Variants in STARD13 observed in about 807,000 individuals in gnomAD.
STARD13 encodes stAR-related lipid transfer protein 13.
A neutral mutation model predicts 106.4 loss-of-function variants in STARD13; 62 were observed. The observed-to-expected ratio is 0.58, with a 90% CI of 0.48 to 0.72. The LOEUF is 0.72. Ranked by LOEUF, STARD13 falls within the 30% of genes least tolerant of loss-of-function variation. The pLI is 0.00. For missense variants in STARD13, 1,387 were observed against 1,424.0 expected, an observed-to-expected ratio of 0.97 and a Z score of 0.42; for synonymous variants, 565 against 553.0, an observed-to-expected ratio of 1.02 and a Z score of -0.31.
intron 1 of STARD13, among the ~76,000 whole-genome samples, chr13:33,335,868 G>C (rs1193977026): frequency 6.6e-6 from 1 of 152,254 alleles, no homozygotes; most frequent in Admixed American, 6.5e-5. Context: ...TACCTGCTGA[G>C]AAGCCTGGGC....
intron 1 of STARD13, among the ~76,000 whole-genome samples, chr13:33,184,608 A>T (rs546822450): frequency 1.3e-5 from 2 of 152,350 alleles, no homozygotes; most frequent in South Asian, 4.1e-4. Context: ...CAGTTTCCTC[A>T]CTGCAAAATG....
rs1367161274 is a variant in STARD13 at position 33,127,473 on chromosome 13, G to A, written c.1822C>T (p.Gln608Ter). ...AGCAGGCTCAGCTGGCTGGCCGTCT[G>A]GCTGCTGATGTGGGGCGATGCTGGG... ...PAPASPHISS[Q>*]TASQLSLLQR... Residue 608 changes from glutamine (Q) to a stop codon, truncating the protein, a stop_gained, in exon 6 of 14, where the codon CAG (glutamine) becomes TAG (stop). Transcript: ENST00000336934. LOFTEE classifies it high-confidence loss of function. 2 of 1,598,070 alleles carry A rather than the reference G, an allele frequency of 1.3e-6. No homozygotes were observed. The highest frequency in any genetic ancestry group is 2.2e-5 in the South Asian group (2 of 89,820).
the STARD13 span, among the ~76,000 whole-genome samples, chr13:33,645,751 G>T: frequency 6.6e-6 from 1 of 152,118 alleles, no homozygotes; most frequent in Admixed American, 6.5e-5. Context: ...AGAGTGGGGT[G>T]GCAGAGCTTG....
downstream of STARD13, among the ~76,000 whole-genome samples, chr13:33,347,116 G>A (rs966132367): frequency 2.0e-5 from 3 of 152,204 alleles, no homozygotes; most frequent in South Asian, 6.2e-4. Flanking sequence ...CAGAACAGAT[G>A]CCCTCTTGGG....
At chr13:33,446,096 G>T in the STARD13 span, among the ~76,000 whole-genome samples, 34 of 152,096 alleles carry the variant, frequency 2.2e-4, no homozygotes, top group Non-Finnish European at 4.7e-4. Flanking sequence ...GAGTCATTTT[G>T]ACAAGACAGT....
chr13:33,370,619 CTTTT>C, the STARD13 span, among the ~76,000 whole-genome samples: 5 of 131,608 alleles, frequency 3.8e-5, no homozygotes, highest in Admixed American at 7.6e-5. Context: ...TTCTTTCTTT[CTTTT>C]TTTTTTTTTT....
At chr13:33,111,528 T>TG (rs1874564618) in intron 10 of STARD13, among the ~76,000 whole-genome samples, 1 of 152,244 alleles carries the variant, frequency 6.6e-6, no homozygotes, top group South Asian at 2.1e-4. Flanking sequence ...GCCTTGAACC[T>TG]GATAATGGCA....
chr13:33,544,442 A>T, the STARD13 span, among the ~76,000 whole-genome samples: 2 of 152,242 alleles, frequency 1.3e-5, no homozygotes, highest in Admixed American at 1.3e-4. Flanking sequence ...TGCACACTGT[A>T]ACTTTTGTGC....
At chr13:33,217,499 G>C (rs1888111301) in intron 1 of STARD13, among the ~76,000 whole-genome samples, 1 of 152,226 alleles carries the variant, frequency 6.6e-6, no homozygotes, top group African/African-American at 2.4e-5. Context: ...CAGAGTGGCT[G>C]CTGTGATGTC....
At chr13:33,312,556 A>G (rs1027502496) in intron 1 of STARD13, among the ~76,000 whole-genome samples, 8 of 152,234 alleles carry the variant, frequency 5.3e-5, no homozygotes, top group African/African-American at 1.7e-4. Flanking sequence ...AGATGGTATC[A>G]TTAAAACAAG....
chr13:33,211,920 A>C (rs558707858), intron 1 of STARD13, among the ~76,000 whole-genome samples: 2 of 152,318 alleles, frequency 1.3e-5, no homozygotes, highest in East Asian at 3.9e-4. Flanking sequence ...TTGTACATAT[A>C]TACCCATGTT....
the STARD13 span, among the ~76,000 whole-genome samples, chr13:33,655,980 C>A: frequency 6.6e-6 from 1 of 152,288 alleles, no homozygotes; most frequent in African/African-American, 2.4e-5. Context: ...AACAATGCCA[C>A]CACTCTGGTC....
intron 1 of STARD13, among the ~76,000 whole-genome samples, chr13:33,191,130 C>T (rs9536654): frequency 0.033 from 4,962 of 152,260 alleles, 100 homozygotes; most frequent in Middle Eastern, 0.048. Flanking sequence ...AAACTATATA[C>T]GCGGTTTTCA....
chr13:33,347,591 G>C (rs1039479590), downstream of STARD13, among the ~76,000 whole-genome samples: 2 of 152,102 alleles, frequency 1.3e-5, no homozygotes, highest in Admixed American at 6.5e-5. Context: ...ACAAATACTT[G>C]CCATTGTGTT....
At chr13:33,621,022 G>C in the STARD13 span, among the ~76,000 whole-genome samples, 1 of 151,680 alleles carries the variant, frequency 6.6e-6, no homozygotes, top group Non-Finnish European at 1.5e-5. Flanking sequence ...AATATTAAAT[G>C]TTTATATTAG....
chr13:33,412,249 C>T, the STARD13 span, among the ~76,000 whole-genome samples: 2 of 152,232 alleles, frequency 1.3e-5, no homozygotes, highest in South Asian at 4.1e-4. Flanking sequence ...ACTTCACACA[C>T]TAGCAAAATG....
chr13:33,542,179 T>G, the STARD13 span, among the ~76,000 whole-genome samples: 2 of 152,206 alleles, frequency 1.3e-5, no homozygotes, highest in Non-Finnish European at 2.9e-5. Context: ...GCCTTTTTTA[T>G]TCCTTGTGAC....
At chr13:33,479,761 G>C in the STARD13 span, among the ~76,000 whole-genome samples, 1 of 152,138 alleles carries the variant, frequency 6.6e-6, no homozygotes, top group African/African-American at 2.4e-5. Flanking sequence ...TCTTGGCGCT[G>C]TTCTCATGAT....
chr13:33,231,702 A>G (rs2138212796), intron 1 of STARD13, among the ~76,000 whole-genome samples: 1 of 152,348 alleles, frequency 6.6e-6, no homozygotes, highest in Non-Finnish European at 1.5e-5. Flanking sequence ...GCCAGCAGGG[A>G]GAAAGCTGGG....
Sources: gnomAD v4.1 joint callset for allele counts (sites outside exome capture counted in the v4.1 genomes callset) on GRCh38, gnomAD v4.1.1 for gene constraint, MANE v1.5 for transcripts, NCBI Gene and HGNC (gene_info 2026-07-23, HGNC 2026-07-21) for gene names.